Variants in ACAP2 observed in about 807,000 individuals in gnomAD.
ACAP2 encodes ArfGAP with coiled-coil, ankyrin repeat and PH domains 2.
ACAP2 carries 39 observed loss-of-function variants against 115.8 expected under a neutral mutation model. The ratio of observed to expected loss-of-function variants is 0.34; its 90% CI spans 0.26 to 0.44. ACAP2 has a LOEUF of 0.44. Ranked by LOEUF, ACAP2 falls within the 20% of genes least tolerant of loss-of-function variation. The pLI, the probability that ACAP2 is intolerant of heterozygous loss-of-function variation, is 1.00. For synonymous variants in ACAP2, 289 were observed against 315.8 expected, an observed-to-expected ratio of 0.92 and a Z score of 0.90; for missense variants, 662 against 927.6, an observed-to-expected ratio of 0.71 and a Z score of 3.72.
intron 22 of ACAP2, among the ~76,000 whole-genome samples, chr3:195,281,487 A>G (rs1184790205): frequency 6.6e-6 from 1 of 152,218 alleles, no homozygotes; most frequent in African/African-American, 2.4e-5. Context: ...AACTATTAAC[A>G]TCTCTATATA....
intron 2 of ACAP2, among the ~76,000 whole-genome samples, chr3:195,388,939 G>A (rs558889601): frequency 6.6e-5 from 10 of 151,356 alleles, no homozygotes; most frequent in African/African-American, 2.4e-4. Flanking sequence ...CAGGAGAATC[G>A]CTTCAACCTG....
At chr3:195,371,171 G>T (rs1271687085) in intron 4 of ACAP2, among the ~76,000 whole-genome samples, 1 of 152,096 alleles carries the variant, frequency 6.6e-6, no homozygotes, top group Non-Finnish European at 1.5e-5. Context: ...CATTTTAACA[G>T]TCTTAATTCT....
At chr3:195,406,656 A>T (rs890286228) in intron 1 of ACAP2, among the ~76,000 whole-genome samples, 1 of 152,174 alleles carries the variant, frequency 6.6e-6, no homozygotes, top group African/African-American at 2.4e-5. Context: ...TTGATCAAAC[A>T]CTCAGTTCCC....
At chr3:195,279,699 C>T in intron 22 of ACAP2, 1 of 242,274 alleles carries the variant, frequency 4.1e-6, no homozygotes, top group Non-Finnish European at 7.8e-6. Context: ...TGTTTTAAAG[C>T]AATGTAAAGA....
chr3:195,288,997 T>A (rs1234150784), intron 21 of ACAP2, 124 bp downstream of exon 21: 1 of 643,070 alleles, frequency 1.6e-6, no homozygotes, highest in African/African-American at 1.9e-5. Flanking sequence ...CCATTTTATA[T>A]AAGGGACATG....
chr3:195,334,249 G>T (rs1173051330), intron 7 of ACAP2, among the ~76,000 whole-genome samples: 1 of 147,620 alleles, frequency 6.8e-6, no homozygotes, highest in Non-Finnish European at 1.5e-5. Flanking sequence ...TTAAAACACA[G>T]AGGCAAAAGG....
chr3:195,345,134 A>AC (rs1731115916), intron 5 of ACAP2, 125 bp downstream of exon 5: 1 of 727,108 alleles, frequency 1.4e-6, no homozygotes, highest in Non-Finnish European at 2.4e-6. Context: ...CATGCATTTC[A>AC]CAAAGCAAAC....
intron 1 of ACAP2, among the ~76,000 whole-genome samples, chr3:195,434,976 T>C (rs1715421502): frequency 6.6e-6 from 1 of 152,106 alleles, no homozygotes; most frequent in South Asian, 2.1e-4. Flanking sequence ...TTTTTCTTGG[T>C]CACTCTAACT....
intron 1 of ACAP2, among the ~76,000 whole-genome samples, chr3:195,394,618 C>T (rs1007945419): frequency 6.6e-6 from 1 of 152,202 alleles, no homozygotes; most frequent in Non-Finnish European, 1.5e-5. Flanking sequence ...GAGTTCTAGA[C>T]CAGCCTGGCC....
In ACAP2 at chr3:195,291,789, G is replaced by C. The variant is rs201919898; in HGVS notation, c.1980C>G (p.Leu660=). The C allele has an allele frequency of 3.1e-6, 5 of 1,613,558 alleles. No homozygotes were observed. Among genetic ancestry groups the C allele is most frequent in the Admixed American group, 1.7e-5 (1 of 59,906 alleles). The change falls in exon 20 of 23, where the codon CTC becomes CTG. Residue 660 remains leucine (L), a synonymous_variant. Coordinates refer to ENST00000326793, the MANE Select transcript of ACAP2 (RefSeq NM_012287.6). ...LGGSLVTCEF[L]LQNGANVNQR... ...GGTTGACATTAGCACCATTCTGTAG[G>C]AGGAACTCACACGTCACCAAAGAGC...
At chr3:195,320,556 C>T (rs530536438) in intron 10 of ACAP2, 145 bp downstream of exon 10, 197 of 499,130 alleles carry the variant, frequency 3.9e-4, no homozygotes, top group Admixed American at 8.2e-4. Flanking sequence ...TAAAGGGCAT[C>T]TATCTTCAAT....
At chr3:195,375,269 CTG>C (rs1302199641) in intron 4 of ACAP2, among the ~76,000 whole-genome samples, 2 of 152,088 alleles carry the variant, frequency 1.3e-5, no homozygotes, top group Admixed American at 6.6e-5. Context: ...TTCCCTAATA[CTG>C]TGTTTTCTAA....
chr3:195,332,550 T>C (rs1325502085), intron 8 of ACAP2, among the ~76,000 whole-genome samples: 1 of 152,084 alleles, frequency 6.6e-6, no homozygotes. Flanking sequence ...CTTCATTAAG[T>C]AAATAAAACA....
chr3:195,295,691 A>G lies in ACAP2; in HGVS notation c.1672+17T>C. 2 of 1,613,920 alleles carry G rather than the reference A, an allele frequency of 1.2e-6. No homozygotes were observed. The highest frequency in any genetic ancestry group is 1.1e-5 in the South Asian group (1 of 91,072). ...TTAAGAAAATAGCTATAGACACAGT[A>G]AGAAAGTTTGCCATACCTGAACTTT... On this transcript the variant is annotated intron_variant, in intron 17 of 22. Transcript: ENST00000326793.
At chr3:195,375,433 T>C (rs1333914016) in intron 4 of ACAP2, among the ~76,000 whole-genome samples, 1 of 148,858 alleles carries the variant, frequency 6.7e-6, no homozygotes, top group Non-Finnish European at 1.5e-5. Context: ...ACACTGAAAC[T>C]ACCCTGTTCT....
At chr3:195,429,498 G>C (rs549571531) in intron 1 of ACAP2, among the ~76,000 whole-genome samples, 1 of 151,556 alleles carries the variant, frequency 6.6e-6, no homozygotes, top group Non-Finnish European at 1.5e-5. Context: ...CAAACCATAA[G>C]AATCTATTTA....
At chr3:195,379,306 T>C (rs1733791917) in intron 4 of ACAP2, among the ~76,000 whole-genome samples, 1 of 152,100 alleles carries the variant, frequency 6.6e-6, no homozygotes, top group South Asian at 2.1e-4. Context: ...ATAGATAAAC[T>C]GAACTTCAGA....
intron 10 of ACAP2, among the ~76,000 whole-genome samples, chr3:195,320,410 T>C (rs1276744400): frequency 6.6e-6 from 1 of 152,230 alleles, no homozygotes; most frequent in Non-Finnish European, 1.5e-5. Context: ...AAAATTTATT[T>C]ACTATAATGA....
chr3:195,327,562 T>C (rs1357255718), intron 8 of ACAP2, among the ~76,000 whole-genome samples: 1 of 152,078 alleles, frequency 6.6e-6, no homozygotes, highest in Non-Finnish European at 1.5e-5. Context: ...AAAAGAATAG[T>C]AATCATTCAT....
Sources: allele counts gnomAD v4.1 joint callset (sites outside exome capture counted in the v4.1 genomes callset), GRCh38; gene constraint gnomAD v4.1.1; transcripts MANE v1.5; gene names NCBI Gene and HGNC (gene_info 2026-07-23, HGNC 2026-07-21).